FOXP2: variants seen among roughly 807,000 people sequenced by gnomAD.
FOXP2 encodes the protein forkhead box P2.
In FOXP2, 12 loss-of-function variants were observed where a neutral mutation model predicts 115.8. The observed-to-expected ratio is 0.10, with a 90% CI of 0.07 to 0.17. The LOEUF (loss-of-function observed/expected upper bound fraction) is 0.17. FOXP2 is among the 10% of genes least tolerant of loss of function. FOXP2 has a pLI of 1.00. For synonymous variants in FOXP2, 328 were observed against 297.7 expected (o/e 1.10, Z -1.05); for missense variants, 629 against 843.5 (o/e 0.75, Z 3.15).
At chr7:114,608,383 T>G (rs1803448198) in intron 3 of FOXP2, among the ~76,000 whole-genome samples, 1 of 152,140 alleles carries the variant, frequency 6.6e-6, no homozygotes, top group Admixed American at 6.6e-5. Flanking sequence ...GAGGTCTTGG[T>G]TTCTAAAGGC....
intron 1 of FOXP2, among the ~76,000 whole-genome samples, chr7:114,274,063 T>A (rs1312921175): frequency 2.0e-5 from 3 of 151,986 alleles, no homozygotes. Context: ...TATTTTTTCT[T>A]CTTTCTCAGC....
chr7:114,405,429 T>A (rs981171725), intron 2 of FOXP2, among the ~76,000 whole-genome samples: 17 of 151,910 alleles, frequency 1.1e-4, no homozygotes, highest in African/African-American at 4.1e-4. Flanking sequence ...GACGTTCATG[T>A]ATATTGGACC....
intron 2 of FOXP2, among the ~76,000 whole-genome samples, chr7:114,364,346 C>CGTAT (rs527639333): frequency 3.7e-4 from 56 of 152,224 alleles, no homozygotes; most frequent in African/African-American, 1.2e-3. Context: ...GCACAGGATA[C>CGTAT]ACCCCTCACC....
At chr7:114,608,316 T>G (rs1035472216) in intron 3 of FOXP2, among the ~76,000 whole-genome samples, 4 of 152,204 alleles carry the variant, frequency 2.6e-5, no homozygotes, top group Non-Finnish European at 4.4e-5. Context: ...TTCAGAAGAA[T>G]CTGCTTCCAA....
intron 6 of FOXP2, among the ~76,000 whole-genome samples, chr7:114,641,055 A>G (rs980098009): frequency 6.6e-6 from 1 of 152,168 alleles, no homozygotes; most frequent in African/African-American, 2.4e-5. Flanking sequence ...TTAATATAGT[A>G]TTTTAATAGC....
intron 2 of FOXP2, among the ~76,000 whole-genome samples, chr7:114,476,608 T>G (rs987338784): frequency 6.6e-6 from 1 of 152,014 alleles, no homozygotes; most frequent in Admixed American, 6.6e-5. Context: ...TTCAGGCTCT[T>G]TTTTTGGTTC....
intron 1 of FOXP2, among the ~76,000 whole-genome samples, chr7:114,143,160 A>AATC (rs1792270475): frequency 6.7e-6 from 1 of 148,226 alleles, no homozygotes; most frequent in Non-Finnish European, 1.5e-5. Context: ...TAATAATAAT[A>AATC]ATAATAATAA....
chr7:114,471,438 C>A (rs554528280), intron 2 of FOXP2, among the ~76,000 whole-genome samples: 4 of 152,238 alleles, frequency 2.6e-5, no homozygotes, highest in African/African-American at 9.6e-5. Context: ...ACCTTAATAT[C>A]TCTGTGTCTT....
At chr7:114,228,026 T>C (rs1024955069) in intron 1 of FOXP2, among the ~76,000 whole-genome samples, 2 of 152,054 alleles carry the variant, frequency 1.3e-5, no homozygotes, top group African/African-American at 4.8e-5. Context: ...GTATGTTTCA[T>C]TGGGCTTTTT....
At chr7:114,483,588 A>G (rs1394885985) in intron 2 of FOXP2, among the ~76,000 whole-genome samples, 2 of 151,728 alleles carry the variant, frequency 1.3e-5, no homozygotes, top group Admixed American at 6.6e-5. Flanking sequence ...ACTGGATGAC[A>G]TCTTTCCTTT....
At chr7:114,668,884 C>A (rs1807330780) in intron 16 of FOXP2, 1 of 152,016 alleles carries the variant, frequency 6.6e-6, no homozygotes. Flanking sequence ...TTTGACTTCA[C>A]AAAGTCATAC....
At chr7:114,423,261 G>A (rs1033035398) in intron 1 of FOXP2, among the ~76,000 whole-genome samples, 1 of 151,634 alleles carries the variant, frequency 6.6e-6, no homozygotes, top group Admixed American at 6.6e-5. Context: ...TTCAATTCAA[G>A]TTGTTTAGGA....
chr7:114,155,163 A>G (rs986244339), intron 1 of FOXP2, among the ~76,000 whole-genome samples: 2 of 152,276 alleles, frequency 1.3e-5, no homozygotes, highest in Non-Finnish European at 2.9e-5. Flanking sequence ...TAAACCAAAA[A>G]TAAAATTATA....
chr7:114,456,197 G>A (rs1361867120), intron 2 of FOXP2, among the ~76,000 whole-genome samples: 1 of 152,188 alleles, frequency 6.6e-6, no homozygotes, highest in African/African-American at 2.4e-5. Flanking sequence ...TGGGAGGTTT[G>A]AGGAAGGAAT....
At chr7:114,250,466 T>C (rs1795411514) in intron 1 of FOXP2, among the ~76,000 whole-genome samples, 2 of 152,224 alleles carry the variant, frequency 1.3e-5, no homozygotes, top group South Asian at 4.1e-4. Context: ...TGTTGTTTCC[T>C]GACTTTTTAA....
chr7:114,421,270 G>A (rs898906246), intron 1 of FOXP2, among the ~76,000 whole-genome samples: 1 of 151,140 alleles, frequency 6.6e-6, no homozygotes, highest in East Asian at 1.9e-4. Flanking sequence ...TTTTATCCAG[G>A]AGCAAAATAT....
At chr7:114,172,235 G>A (rs1024220626) in intron 1 of FOXP2, among the ~76,000 whole-genome samples, 2 of 152,052 alleles carry the variant, frequency 1.3e-5, no homozygotes, top group African/African-American at 2.4e-5. Flanking sequence ...GCTTTATTGT[G>A]ATACTTTATT....
intron 2 of FOXP2, among the ~76,000 whole-genome samples, chr7:114,432,673 T>G (rs1470078351): frequency 1.3e-5 from 2 of 151,880 alleles, no homozygotes; most frequent in African/African-American, 2.4e-5. Context: ...AACTATTAGG[T>G]CTTGGGGCCT....
intron 3 of FOXP2, among the ~76,000 whole-genome samples, chr7:114,609,791 G>A (rs138956187): frequency 7.9e-5 from 12 of 152,282 alleles, no homozygotes; most frequent in Non-Finnish European, 1.3e-4. Flanking sequence ...GGTTGTGTAC[G>A]TAGTCTTCAA....
Sources: allele counts gnomAD v4.1 joint callset (sites outside exome capture counted in the v4.1 genomes callset), GRCh38; gene constraint gnomAD v4.1.1; transcripts MANE v1.5; gene names NCBI Gene and HGNC (gene_info 2026-07-23, HGNC 2026-07-21).